Variants in TRPA1 observed in about 807,000 individuals in gnomAD.
TRPA1 encodes the protein ankyrin-like with transmembrane domains 1.
In TRPA1, 129 loss-of-function variants were observed where a neutral mutation model predicts 131.3. The ratio of observed to expected loss-of-function variants is 0.98; its 90% CI spans 0.85 to 1.14. The LOEUF is 1.14. Ranked by LOEUF, TRPA1 falls within the 50% of genes most tolerant of loss-of-function variation. The probability of loss-of-function intolerance (pLI) is 0.00; values close to 1 mark genes in which losing one functional copy is unlikely to be tolerated. For missense variants in TRPA1, 1,304 were observed against 1,354.2 expected (o/e 0.96, Z 0.58); for synonymous variants, 441 against 451.7 (o/e 0.98, Z 0.30).
chr8:72,022,860 C>G lies in TRPA1; in HGVS notation c.*46G>C, dbSNP rs1332798247. The G allele has an allele frequency of 6.5e-7, 1 of 1,548,252 alleles. No individual in the cohort carries two copies. Among genetic ancestry groups the G allele is most frequent in the Admixed American group, 1.7e-5 (1 of 59,780 alleles). ...TTTTTAAATTGAAAGTTAGAACCAGCAAGTCATGCACCCCCCATTAGAAGC... is the reference window on the plus strand; with the variant it reads ...TTTTTAAATTGAAAGTTAGAACCAGGAAGTCATGCACCCCCCATTAGAAGC... On this transcript the variant is annotated 3_prime_UTR_variant, in exon 27 of 27. Coordinates refer to ENST00000262209, the MANE Select transcript of TRPA1 (RefSeq NM_007332.3).
At chr8:72,064,366 C>T (rs888938458) in intron 4 of TRPA1, among the ~76,000 whole-genome samples, 1 of 151,676 alleles carries the variant, frequency 6.6e-6, no homozygotes, top group South Asian at 2.1e-4. Context: ...ACAATATTAT[C>T]ATACAGTATA....
intron 17 of TRPA1, among the ~76,000 whole-genome samples, chr8:72,044,274 T>A (rs957219832): frequency 2.2e-4 from 33 of 151,484 alleles, no homozygotes; most frequent in African/African-American, 7.7e-4. Context: ...CCACGTAGAT[T>A]TGACTTTTTT....
Position 72,047,904 on chromosome 8 carries a change from CT to C in TRPA1, c.1906-698del, listed in dbSNP as rs563256602. Among the ~76,000 whole-genome samples, 86 of 152,152 alleles carry C rather than the reference CT, an allele frequency of 5.7e-4. 1 individual carries two copies. In the East Asian group the frequency reaches 0.016, roughly 28 times the overall value. ...TACCTTACTGTGACAACTTATTGTT[CT>C]TAATCAAGATTTTTCATCCCAGCAA... On this transcript the variant is annotated intron_variant, in intron 15 of 26. Transcript: ENST00000262209.
chr8:72,037,654 TCAA>T (rs1812102732), intron 20 of TRPA1, among the ~76,000 whole-genome samples: 1 of 152,038 alleles, frequency 6.6e-6, no homozygotes, highest in African/African-American at 2.4e-5. Context: ...ATTATCAAGT[TCAA>T]AATGTAACCA....
intron 8 of TRPA1, among the ~76,000 whole-genome samples, chr8:72,058,905 A>C (rs1353500643): frequency 6.6e-6 from 1 of 152,130 alleles, no homozygotes; most frequent in East Asian, 1.9e-4. Context: ...AGAGTGAAAA[A>C]GATCTCATGC....
chr8:72,024,357 T>C (rs1811507330), intron 25 of TRPA1, among the ~76,000 whole-genome samples: 1 of 152,214 alleles, frequency 6.6e-6, no homozygotes, highest in African/African-American at 2.4e-5. Context: ...TTCATTTTAA[T>C]TTAGTATCTT....
rs776526536 is a variant in TRPA1, at chr8:72,075,415, C to A, written c.-6G>T. 3 of 1,601,496 alleles carry A rather than the reference C, an allele frequency of 1.9e-6. No homozygotes were observed. Among genetic ancestry groups the A allele is most frequent in the Non-Finnish European group, 2.6e-6 (3 of 1,175,632 alleles). On this transcript the variant is annotated 5_prime_UTR_variant, in exon 1 of 27. Transcript: ENST00000262209. ...TTCCTCAGGCTGCGCTTCATTGACC[C>A]CACCCCGGACGCCACCTGGTGCAGC... is the stretch of plus-strand genomic sequence containing the variant.
At chr8:72,039,276 T>A (rs370556862) in intron 18 of TRPA1, among the ~76,000 whole-genome samples, 1 of 152,064 alleles carries the variant, frequency 6.6e-6, no homozygotes, top group Non-Finnish European at 1.5e-5. Flanking sequence ...CTGTCGGCAA[T>A]ATGAGTGCTC....
intron 16 of TRPA1, among the ~76,000 whole-genome samples, 153 bp from the exon 17 acceptor site, chr8:72,046,761 G>A (rs1805338174): frequency 6.6e-6 from 1 of 151,984 alleles, no homozygotes; most frequent in Non-Finnish European, 1.5e-5. Flanking sequence ...GTGGAGAAAG[G>A]AAATTAAGTT....
upstream of TRPA1, among the ~76,000 whole-genome samples, chr8:72,078,325 A>G (rs1019381408): frequency 1.3e-5 from 2 of 152,128 alleles, no homozygotes; most frequent in African/African-American, 4.8e-5. Context: ...CAAGTATACA[A>G]CTATCTCCAC....
chr8:72,053,811 G>A lies in TRPA1; in HGVS notation c.1586C>T (p.Thr529Ile), dbSNP rs1805590593. 1 of 1,612,502 alleles carries A rather than the reference G, an allele frequency of 6.2e-7. No homozygotes were observed. Among genetic ancestry groups the A allele is most frequent in the Admixed American group, 1.7e-5 (1 of 59,908 alleles). ...ATTAGTATCAAGAATGACCTTCATG[G>A]TCTGAGTGTACCCGCCCATGGACGC... is the stretch of plus-strand genomic sequence containing the variant. ...HHASMGGYTQTMKVILDTNLK... is the reference protein window; with the variant it reads ...HHASMGGYTQIMKVILDTNLK... The change falls in exon 13 of 27, where the codon ACC becomes ATC. Residue 529 changes from threonine to isoleucine, a missense_variant. By Grantham distance (89) the Thr-to-Ile change is moderately conservative. Transcript: ENST00000262209.
Position 72,071,784 on chromosome 8 carries a change from G to A in TRPA1, c.195C>T (p.Phe65=). The A allele has an allele frequency of 6.2e-7, 1 of 1,613,614 alleles. No homozygotes were observed. Among genetic ancestry groups the A allele is most frequent in the Non-Finnish European group, 8.5e-7 (1 of 1,179,830 alleles). ...CTTCTGCTGCAGCATAATGCAAGAA[G>A]AAGGTGTCCATATCGTCACATCTTT... ...KLKRCDDMDT[F]FLHYAAAEGQ... Residue 65 remains phenylalanine (F), a synonymous_variant, in exon 2 of 27, where the codon TTC becomes TTT. Coordinates refer to ENST00000262209, the MANE Select transcript of TRPA1 (RefSeq NM_007332.3).
Position 72,075,353 on chromosome 8 carries a change from G to A in TRPA1, c.57C>T (p.Gly19=). 6.2e-7 allele frequency: 1 copy of A among 1,612,708 alleles called. No individual in the cohort carries two copies. The highest frequency in any genetic ancestry group is 2.2e-5 in the East Asian group (1 of 44,870). Residue 19 remains glycine (G), a synonymous_variant, in exon 1 of 27, where the codon GGC becomes GGT. Transcript: ENST00000262209. ...CGTCCGGCACATCCTCATAGACAAC[G>A]CCCTGGGGCTCCTTCTTTTCTCCAG... ...WRPGEKKEPQ[G]VVYEDVPDDT...
In TRPA1 at chr8:72,037,980, T is replaced by A; in HGVS notation, c.2385+3A>T. ...CTTTAGAGATACAAAATGTATTACA[T>A]ACCTGTTGGAAAATTTGCCCCGCTT... On this transcript the variant is annotated splice_donor_region_variant and intron_variant, in intron 20 of 26. Transcript: ENST00000262209. 1 of 1,563,582 alleles carries A rather than the reference T, an allele frequency of 6.4e-7. No individual in the cohort carries two copies. Among genetic ancestry groups the A allele is most frequent in the Non-Finnish European group, 8.8e-7 (1 of 1,135,386 alleles).
intron 24 of TRPA1, 119 bp from the exon 25 acceptor site, chr8:72,026,192 G>C (rs1811603703): frequency 3.8e-6 from 3 of 799,842 alleles, no homozygotes; most frequent in Non-Finnish European, 6.2e-6. Flanking sequence ...CCTGACTTCT[G>C]TGCCACAGCT....
At chr8:72,053,896 C>CATA in intron 12 of TRPA1, 29 bp from the exon 13 acceptor site, 1 of 1,537,196 alleles carries the variant, frequency 6.5e-7, no homozygotes. Context: ...AAGATGTGTG[C>CATA]ATACACTTAA....
At chr8:72,078,168 A>T (rs1806224665), upstream of TRPA1, among the ~76,000 whole-genome samples, 1 of 151,960 alleles carries the variant, frequency 6.6e-6, no homozygotes, top group African/African-American at 2.4e-5. Flanking sequence ...TTATAAAAAT[A>T]TTTATTTTTA....
At chr8:72,076,911 A>T (rs1298834964), upstream of TRPA1, among the ~76,000 whole-genome samples, 1 of 152,130 alleles carries the variant, frequency 6.6e-6, no homozygotes, top group African/African-American at 2.4e-5. Context: ...GCAAGATAAG[A>T]ATCAGTTGCA....
chr8:72,029,678 T>G, intron 24 of TRPA1: 3 of 638,164 alleles, frequency 4.7e-6, no homozygotes, highest in African/African-American at 1.8e-5. Flanking sequence ...GGGCTAGCAG[T>G]ATGTGGTATT....
Sources: gnomAD v4.1 joint callset for allele counts (sites outside exome capture counted in the v4.1 genomes callset) on GRCh38, gnomAD v4.1.1 for gene constraint, MANE v1.5 for transcripts, NCBI Gene and HGNC (gene_info 2026-07-23, HGNC 2026-07-21) for gene names.